CSMD1: variants seen among roughly 807,000 people sequenced by gnomAD.
CSMD1 encodes the protein CUB and sushi domain-containing protein 1.
A neutral mutation model predicts 417.5 loss-of-function variants in CSMD1; 213 were observed. The observed-to-expected ratio is 0.51, with a 90% CI of 0.46 to 0.57. The LOEUF is 0.57. CSMD1 is among the 20% of genes least tolerant of loss of function. The probability of loss-of-function intolerance (pLI) is 0.00; values close to 1 mark genes in which losing one functional copy is unlikely to be tolerated. For synonymous variants in CSMD1, 2,862 were observed against 1,736.8 expected, an observed-to-expected ratio of 1.65 and a Z score of -16.11; for missense variants, 6,923 against 4,529.7, an observed-to-expected ratio of 1.53 and a Z score of -15.17.
chr8:3,368,155 C>T (rs1809722703), intron 19 of CSMD1, among the ~76,000 whole-genome samples: 2 of 152,134 alleles, frequency 1.3e-5, no homozygotes, highest in South Asian at 4.1e-4. Context: ...CACTCATAAT[C>T]TGTGTCTTCT....
chr8:4,169,580 C>T (rs1049033900), intron 3 of CSMD1, among the ~76,000 whole-genome samples: 5 of 152,110 alleles, frequency 3.3e-5, no homozygotes, highest in African/African-American at 9.7e-5. Flanking sequence ...CTCTTCTCAA[C>T]ACAGGCATTA....
rs1796853502 is a variant in CSMD1 at position 3,199,063 on chromosome 8, A to AT, written c.5194+650dup. On this transcript the variant is annotated intron_variant, in intron 33 of 69. Coordinates refer to ENST00000635120, the MANE Select transcript of CSMD1 (RefSeq NM_033225.6). ...AAGTGTATGAACAGTTTATGTGGTC[A>AT]TTTTTTCAATGCAAAACAAAAGTGA... Among the ~76,000 whole-genome samples, 4 of 152,320 alleles carry AT rather than the reference A, an allele frequency of 2.6e-5. No individual in the cohort carries two copies. In the South Asian group the frequency reaches 8.3e-4, roughly 32 times the overall value.
chr8:4,582,435 G>C (rs1390151665), intron 2 of CSMD1, among the ~76,000 whole-genome samples: 3 of 152,136 alleles, frequency 2.0e-5, no homozygotes, highest in African/African-American at 7.2e-5. Flanking sequence ...ATAACGGAGA[G>C]AAAGAAAACA....
At chr8:4,520,527 T>G (rs1803385798) in intron 2 of CSMD1, among the ~76,000 whole-genome samples, 1 of 152,060 alleles carries the variant, frequency 6.6e-6, no homozygotes, top group Non-Finnish European at 1.5e-5. Context: ...TCCCGATAGG[T>G]GTCTTAGAAG....
At chr8:4,545,243 T>A (rs991805171) in intron 2 of CSMD1, among the ~76,000 whole-genome samples, 1 of 152,224 alleles carries the variant, frequency 6.6e-6, no homozygotes, top group Non-Finnish European at 1.5e-5. Context: ...GGTGCAGTAA[T>A]GTATAGTTAC....
chr8:4,850,498 T>C (rs1002909174), intron 1 of CSMD1, among the ~76,000 whole-genome samples: 2 of 150,216 alleles, frequency 1.3e-5, no homozygotes, highest in East Asian at 2.0e-4. Context: ...ATTGCAAACA[T>C]TGGTTATTTT....
At chr8:4,175,805 A>G (rs1459930183) in intron 3 of CSMD1, among the ~76,000 whole-genome samples, 2 of 152,206 alleles carry the variant, frequency 1.3e-5, no homozygotes, top group Non-Finnish European at 2.9e-5. Flanking sequence ...TGGCAATACA[A>G]CAGCATATAT....
chr8:3,127,669 G>A (rs534300238), intron 41 of CSMD1: 1 of 152,190 alleles, frequency 6.6e-6, no homozygotes, highest in African/African-American at 2.4e-5. Flanking sequence ...GCAAAAGGAA[G>A]AAGAAAAACA....
chr8:3,870,341 T>C (rs1251409565), intron 5 of CSMD1, among the ~76,000 whole-genome samples: 1 of 152,206 alleles, frequency 6.6e-6, no homozygotes, highest in East Asian at 1.9e-4. Context: ...TGATGATTTG[T>C]AGCACATATG....
Position 4,560,495 on chromosome 8 carries a change from C to G in CSMD1, c.302+76847G>C, listed in dbSNP as rs1158929706. On this transcript the variant is annotated intron_variant, in intron 2 of 69. Transcript: ENST00000635120. ...TTAGTAACCTATAACTGAATATCCT[C>G]TGACACCCAAACTTTAACATGATTT... Among the ~76,000 whole-genome samples the G allele has an allele frequency of 2.0e-5, 3 of 152,180 alleles. No homozygotes were observed. The East Asian group carries it at 5.8e-4, about 29-fold the overall frequency.
At chr8:3,913,143 A>G (rs1483831404) in intron 5 of CSMD1, among the ~76,000 whole-genome samples, 1 of 152,112 alleles carries the variant, frequency 6.6e-6, no homozygotes, top group African/African-American at 2.4e-5. Flanking sequence ...TGAAATTTGA[A>G]GTATCCATGT....
chr8:3,886,133 C>T (rs373872831), intron 5 of CSMD1, among the ~76,000 whole-genome samples: 1 of 152,008 alleles, frequency 6.6e-6, no homozygotes, highest in East Asian at 1.9e-4. Flanking sequence ...TCACTGCAAC[C>T]TCTGTCTCTC....
chr8:3,768,371 AC>A (rs1798398686), intron 5 of CSMD1, among the ~76,000 whole-genome samples: 1 of 152,148 alleles, frequency 6.6e-6, no homozygotes, highest in African/African-American at 2.4e-5. Context: ...AATTCCAAAC[AC>A]CCAGCCTTTA....
Position 4,687,902 on chromosome 8 carries a change from A to G in CSMD1, c.86-50344T>C, listed in dbSNP as rs139966982. On this transcript the variant is annotated intron_variant, in intron 1 of 69. Transcript: ENST00000635120. Reference sequence around the variant, plus strand: ...CCTGTGTCAGGAGCCAATCTGGATAACGACATGTCATATGTGAATTGTGAT... The same window carrying G: ...CCTGTGTCAGGAGCCAATCTGGATAGCGACATGTCATATGTGAATTGTGAT... Among the ~76,000 whole-genome samples the G allele has an allele frequency of 7.5e-4, 114 of 152,246 alleles. 3 individuals carry two copies. In the East Asian group the frequency reaches 0.021, roughly 28 times the overall value.
intron 5 of CSMD1, among the ~76,000 whole-genome samples, chr8:3,818,115 C>A (rs1801500565): frequency 6.6e-6 from 1 of 152,072 alleles, no homozygotes; most frequent in Admixed American, 6.5e-5. Flanking sequence ...TCCCTGAGAG[C>A]CCAGGACCCA....
At chr8:3,046,208 G>C (rs867912270) in intron 50 of CSMD1, among the ~76,000 whole-genome samples, 2 of 152,320 alleles carry the variant, frequency 1.3e-5, no homozygotes, top group African/African-American at 2.4e-5. Flanking sequence ...GGGAAGCGGA[G>C]GTGAGGCAGC....
At chr8:3,468,675 C>T (rs374573171) in intron 12 of CSMD1, 37 bp downstream of exon 12, 7 of 1,374,974 alleles carry the variant, frequency 5.1e-6, no homozygotes, top group Non-Finnish European at 7.1e-6. Flanking sequence ...TCTTGGAATG[C>T]TAACTTCCAA....
At chr8:4,409,516 C>CA (rs1796528221) in intron 3 of CSMD1, among the ~76,000 whole-genome samples, 1 of 152,094 alleles carries the variant, frequency 6.6e-6, no homozygotes, top group South Asian at 2.1e-4. Context: ...TAACCCTAAC[C>CA]AAAATATGTA....
chr8:3,632,694 T>A (rs578104513), intron 7 of CSMD1, among the ~76,000 whole-genome samples: 1 of 152,308 alleles, frequency 6.6e-6, no homozygotes, highest in African/African-American at 2.4e-5. Flanking sequence ...TCAGTACTAT[T>A]TAGGCACAGG....
Sources: allele counts gnomAD v4.1 joint callset (sites outside exome capture counted in the v4.1 genomes callset), GRCh38; gene constraint gnomAD v4.1.1; transcripts MANE v1.5; gene names NCBI Gene and HGNC (gene_info 2026-07-23, HGNC 2026-07-21).